The following FSTL4 variants were observed in gnomAD, a reference collection of about 807,000 sequenced individuals.
The protein encoded by FSTL4 is follistatin-related protein 4.
In FSTL4, 28 loss-of-function variants were observed where a neutral mutation model predicts 78.2. The ratio of observed to expected loss-of-function variants is 0.36; its 90% CI spans 0.27 to 0.49. FSTL4 has a LOEUF of 0.49. Ranked by LOEUF, FSTL4 falls within the 20% of genes least tolerant of loss-of-function variation. The probability of loss-of-function intolerance (pLI) is 0.98; values close to 1 mark genes in which losing one functional copy is unlikely to be tolerated. For synonymous variants in FSTL4, 422 were observed against 440.5 expected (o/e 0.96, Z 0.53); for missense variants, 922 against 1,084.9 (o/e 0.85, Z 2.11).
chr5:133,459,286 C>T (rs1757549425), intron 3 of FSTL4, among the ~76,000 whole-genome samples: 1 of 152,054 alleles, frequency 6.6e-6, no homozygotes, highest in Non-Finnish European at 1.5e-5. Flanking sequence ...TTTCCACCAC[C>T]CTGGGGTCCG....
chr5:133,457,147 T>C (rs900207492), intron 3 of FSTL4, among the ~76,000 whole-genome samples: 4 of 152,030 alleles, frequency 2.6e-5, no homozygotes. Flanking sequence ...AAAAGAAAGC[T>C]AAGAGAAGGA....
chr5:133,288,611 C>T (rs1286730079), intron 6 of FSTL4, among the ~76,000 whole-genome samples: 1 of 152,250 alleles, frequency 6.6e-6, no homozygotes, highest in Non-Finnish European at 1.5e-5. Context: ...AGATGAAGCA[C>T]CAAGCTTTTA....
chr5:133,720,353 A>C, the FSTL4 span: 1 of 152,154 alleles, frequency 6.6e-6, no homozygotes, highest in African/African-American at 2.4e-5. Context: ...TCTGAGGTGG[A>C]CTTTGCTTGA....
At chr5:133,660,413 G>C in the FSTL4 span, among the ~76,000 whole-genome samples, 1 of 152,208 alleles carries the variant, frequency 6.6e-6, no homozygotes, top group Non-Finnish European at 1.5e-5. Context: ...AGATTGGAAG[G>C]ACATAACTTC....
At chr5:133,667,435 T>G in the FSTL4 span, among the ~76,000 whole-genome samples, 1 of 152,362 alleles carries the variant, frequency 6.6e-6, no homozygotes, top group Admixed American at 6.5e-5. Context: ...GTCATTTCAA[T>G]GCTGTAAATC....
At chr5:133,462,121 A>G (rs1435665534) in intron 3 of FSTL4, among the ~76,000 whole-genome samples, 2 of 152,230 alleles carry the variant, frequency 1.3e-5, no homozygotes, top group African/African-American at 4.8e-5. Context: ...GGGGAGAGAA[A>G]GGTAGACACA....
intron 13 of FSTL4, among the ~76,000 whole-genome samples, chr5:133,212,421 C>T (rs1213081571): frequency 2.0e-5 from 3 of 152,240 alleles, no homozygotes; most frequent in African/African-American, 7.2e-5. Context: ...TCCTGGCAAA[C>T]AAGCCCCAGG....
chr5:133,478,654 T>C (rs11960812), intron 3 of FSTL4, among the ~76,000 whole-genome samples: 4,127 of 152,312 alleles, frequency 0.027, 173 homozygotes, highest in African/African-American at 0.094. Context: ...TGCCTCATCC[T>C]TTTCCTTACA....
chr5:133,250,102 G>A (rs1156700667), intron 6 of FSTL4, among the ~76,000 whole-genome samples: 1 of 152,214 alleles, frequency 6.6e-6, no homozygotes, highest in East Asian at 1.9e-4. Flanking sequence ...CTAAGGATTC[G>A]CTGAACTTGG....
chr5:133,390,466 T>C (rs1479593937), intron 4 of FSTL4, among the ~76,000 whole-genome samples: 1 of 152,280 alleles, frequency 6.6e-6, no homozygotes, highest in Admixed American at 6.5e-5. Flanking sequence ...GTTCTGGATC[T>C]GGCCCTCATG....
At chr5:133,303,301 T>C (rs10900816) in intron 6 of FSTL4, among the ~76,000 whole-genome samples, 60,564 of 152,076 alleles carry the variant, frequency 0.4, 13,583 homozygotes, top group Middle Eastern at 0.56. Flanking sequence ...CCACGATAAG[T>C]AGGGATCAGT....
chr5:133,316,326 A>C, intron 5 of FSTL4, 133 bp downstream of exon 5: 1 of 663,894 alleles, frequency 1.5e-6, no homozygotes, highest in Non-Finnish European at 2.5e-6. Context: ...TGGTGGGAAG[A>C]ACCTGACCTC....
Position 133,496,937 on chromosome 5 carries a change from C to G in FSTL4, c.160+70249G>C, listed in dbSNP as rs570394644. The stretch of plus-strand genomic sequence containing the variant: ...CCCCTTACTGCCTCCCGCCCATCTT[C>G]TGGTCTTAGCCAGCCCTACCCCAAT... On this transcript the variant is annotated intron_variant, in intron 3 of 15. Transcript: ENST00000265342. 1.2e-4 allele frequency among the ~76,000 whole-genome samples: 18 copies of G among 152,312 alleles called. 1 individual carries two copies. Among genetic ancestry groups the G allele is most frequent in the African/African-American group, 4.1e-4 (17 of 41,570 alleles).
the FSTL4 span, among the ~76,000 whole-genome samples, chr5:133,771,118 T>C: frequency 2.6e-5 from 4 of 152,252 alleles, no homozygotes; most frequent in Admixed American, 2.0e-4. Flanking sequence ...CTGTTTTGGT[T>C]ACTACAGCCT....
At chr5:133,478,907 C>T (rs979296800) in intron 3 of FSTL4, among the ~76,000 whole-genome samples, 1 of 152,132 alleles carries the variant, frequency 6.6e-6, no homozygotes, top group Non-Finnish European at 1.5e-5. Flanking sequence ...GCCCCATCCA[C>T]AGCAGTGTCT....
chr5:133,301,520 G>A (rs1753539259), intron 6 of FSTL4, among the ~76,000 whole-genome samples: 2 of 152,182 alleles, frequency 1.3e-5, no homozygotes, highest in Admixed American at 1.3e-4. Flanking sequence ...CCCAGATGGA[G>A]AATGTGGGGT....
At position 133,420,998 on chromosome 5, in the gene FSTL4, CTGCT is replaced by C. The variant is rs1756681066; in HGVS notation, c.161-20016_161-20013del. Among the ~76,000 whole-genome samples, 3 of 152,256 alleles carry C rather than the reference CTGCT, an allele frequency of 2.0e-5. No homozygotes were observed. The South Asian group carries it at 6.2e-4, about 31-fold the overall frequency. Reference sequence around the variant, plus strand: ...GCATCCCAGGATGGCTCTCTGCTGCCTGCTTCTCACCCCTATCCCCTGGGTGGTC... The same window carrying C: ...GCATCCCAGGATGGCTCTCTGCTGCCTCTCACCCCTATCCCCTGGGTGGTC... On this transcript the variant is annotated intron_variant, in intron 3 of 15. Coordinates refer to ENST00000265342, the MANE Select transcript of FSTL4 (RefSeq NM_015082.2).
intron 3 of FSTL4, among the ~76,000 whole-genome samples, chr5:133,513,068 G>A (rs1758769030): frequency 6.6e-6 from 1 of 152,204 alleles, no homozygotes; most frequent in Non-Finnish European, 1.5e-5. Context: ...TGATCAGCCC[G>A]CCTCAGCCTC....
chr5:133,673,386 G>A, the FSTL4 span, among the ~76,000 whole-genome samples: 2 of 152,218 alleles, frequency 1.3e-5, no homozygotes, highest in Non-Finnish European at 2.9e-5. Flanking sequence ...GTCCCTCCCA[G>A]GGCAGGGGTG....
Sources: allele counts gnomAD v4.1 joint callset (sites outside exome capture counted in the v4.1 genomes callset), GRCh38; gene constraint gnomAD v4.1.1; transcripts MANE v1.5; gene names NCBI Gene and HGNC (gene_info 2026-07-23, HGNC 2026-07-21).